KCNC4: variants seen among roughly 807,000 people sequenced by gnomAD.
KCNC4 encodes the protein voltage-gated potassium channel KCNC4.
In KCNC4, 23 loss-of-function variants were observed where a neutral mutation model predicts 42.8. The observed-to-expected ratio is 0.54, with a 90% CI of 0.39 to 0.76. The LOEUF (loss-of-function observed/expected upper bound fraction) is 0.76. KCNC4 is among the 30% of genes least tolerant of loss of function. The pLI, the probability that KCNC4 is intolerant of heterozygous loss-of-function variation, is 0.00. For missense variants in KCNC4, 751 were observed against 898.2 expected (o/e 0.84, Z 2.10); for synonymous variants, 422 against 393.5 (o/e 1.07, Z -0.86).
chr1:110,275,627 G>A (rs3904624), intron 1 of KCNC4, among the ~76,000 whole-genome samples: 36,232 of 152,006 alleles, frequency 0.24, 5,165 homozygotes, highest in Non-Finnish European at 0.32. Context: ...ACTGGATAAA[G>A]AAAATGTGAT....
At chr1:110,245,149 G>A (rs1167979033) in exon 4 of KCNC4, 2 of 152,376 alleles carry the variant, frequency 1.3e-5, no homozygotes, top group East Asian at 1.9e-4. Context: ...GGAGGGGTAG[G>A]TCTGGCGGAG....
At chr1:110,268,181 C>A (rs533728315) in intron 1 of KCNC4, among the ~76,000 whole-genome samples, 1 of 152,272 alleles carries the variant, frequency 6.6e-6, no homozygotes, top group African/African-American at 2.4e-5. Flanking sequence ...ATAGATGCCA[C>A]CTGGTCTTGA....
chr1:110,276,318 A>T (rs1301586016), intron 1 of KCNC4, among the ~76,000 whole-genome samples: 5 of 145,670 alleles, frequency 3.4e-5, no homozygotes, highest in Admixed American at 7.1e-5. Context: ...AAAAAAAAAA[A>T]AAAAGGACCT....
rs533097583 is a variant in KCNC4 at position 110,211,578 on chromosome 1, G to A, written c.79G>A (p.Glu27Lys). The change falls in exon 1 of 4, where the codon GAG becomes AAG. Residue 27 changes from glutamate (E) to lysine (K), a missense_variant. Transcript: ENST00000438661. This position sits in a 1 kb window ranked among gnomAD's most constrained non-coding sequence, Gnocchi z 6.5. ...NKPPSKTCLK[E>K]EMAKGEASEK... Reference sequence around the variant, plus strand: ...GCCTCCGTCCAAAACATGTCTGAAGGAGGAGATGGCCAAGGGCGAGGCGTC... The same window carrying A: ...GCCTCCGTCCAAAACATGTCTGAAGAAGGAGATGGCCAAGGGCGAGGCGTC... 1.2e-6 allele frequency: 2 copies of A among 1,614,100 alleles called. No homozygotes were observed. The highest frequency in any genetic ancestry group is 1.1e-5 in the South Asian group (1 of 91,082).
downstream of KCNC4, among the ~76,000 whole-genome samples, chr1:110,283,712 T>C (rs1659866971): frequency 1.3e-5 from 2 of 152,238 alleles, no homozygotes; most frequent in African/African-American, 2.4e-5. Context: ...CTCTTCATTA[T>C]GCATTTACAA....
chr1:110,212,517 C>T (rs1011921400), intron 1 of KCNC4, among the ~76,000 whole-genome samples: 1 of 152,162 alleles, frequency 6.6e-6, no homozygotes, highest in Admixed American at 6.5e-5. Flanking sequence ...CTTCAGCTGC[C>T]CTCCACTCCA....
Position 110,211,394 on chromosome 1 carries a change from C to T in KCNC4, c.-106C>T. 6.8e-7 allele frequency: 1 copy of T among 1,461,088 alleles called. No homozygotes were observed. The highest frequency in any genetic ancestry group is 1.4e-5 in the African/African-American group (1 of 70,762). 90.5% of individuals were successfully genotyped at this position (1,461,088 alleles called of 1,614,324 possible). ...CCGCAGAGGGGGCCGCCACCGCCTCCTGCCTCCTCTTCGTCTCCTCCCCCT... is the reference window on the plus strand; with the variant it reads ...CCGCAGAGGGGGCCGCCACCGCCTCTTGCCTCCTCTTCGTCTCCTCCCCCT... On this transcript the variant is annotated 5_prime_UTR_variant, in exon 1 of 4. Transcript: ENST00000438661. This position sits in a 1 kb window ranked among gnomAD's most constrained non-coding sequence, Gnocchi z 6.5.
In KCNC4 at chr1:110,211,418, C is replaced by G. The variant is rs1657438103; in HGVS notation, c.-82C>G. The G allele has an allele frequency of 2.7e-6, 4 of 1,495,560 alleles. No homozygotes were observed. Among genetic ancestry groups the G allele is most frequent in the Admixed American group, 4.3e-5 (2 of 45,998 alleles). 92.6% of individuals were successfully genotyped at this position (1,495,560 alleles called of 1,614,324 possible). On this transcript the variant is annotated 5_prime_UTR_variant, in exon 1 of 4. Coordinates refer to ENST00000438661, the MANE Select transcript of KCNC4 (RefSeq NM_001039574.3). This position sits in a 1 kb window ranked among gnomAD's most constrained non-coding sequence, Gnocchi z 6.5. ...CCTGCCTCCTCTTCGTCTCCTCCCCCTCCCCCGTCTGACGCTGCCTCCTCG... is the reference window on the plus strand; with the variant it reads ...CCTGCCTCCTCTTCGTCTCCTCCCCGTCCCCCGTCTGACGCTGCCTCCTCG...
exon 4 of KCNC4, chr1:110,242,451 G>A (rs376351478): frequency 6.6e-6 from 1 of 152,240 alleles, no homozygotes; most frequent in South Asian, 2.1e-4. Context: ...TTCCAGAGGG[G>A]TCTGAGCCAA....
At chr1:110,278,573 C>T (rs1212014708) in intron 1 of KCNC4, among the ~76,000 whole-genome samples, 2 of 152,160 alleles carry the variant, frequency 1.3e-5, no homozygotes, top group Non-Finnish European at 2.9e-5. Context: ...ATAAGAATAT[C>T]TTCCCTTTGG....
At chr1:110,261,926 A>T (rs1330631667) in intron 1 of KCNC4, among the ~76,000 whole-genome samples, 1 of 152,220 alleles carries the variant, frequency 6.6e-6, no homozygotes, top group Non-Finnish European at 1.5e-5. Context: ...TTTAAAGGTG[A>T]TGCTTTATTA....
Position 110,211,321 on chromosome 1 carries a change from A to G in KCNC4, c.-179A>G, listed in dbSNP as rs1252003824. 1.1e-5 allele frequency: 10 copies of G among 910,656 alleles called. No individual in the cohort carries two copies. The highest frequency in any genetic ancestry group is 1.6e-5 in the Non-Finnish European group (10 of 621,538). 56.4% of individuals were successfully genotyped at this position (910,656 alleles called of 1,614,324 possible). On this transcript the variant is annotated 5_prime_UTR_variant, in exon 1 of 4. Transcript: ENST00000438661. The surrounding 1 kb of genome is among the most constrained non-coding windows in gnomAD (Gnocchi z 6.5). ...ACCACCTGTGTACCGGAGAAATCCA[A>G]CTCCTCCCGCTCCGCGTCCTAGGGG...
intron 1 of KCNC4, among the ~76,000 whole-genome samples, chr1:110,215,700 G>A (rs1025888091): frequency 6.6e-6 from 1 of 152,212 alleles, no homozygotes; most frequent in Non-Finnish European, 1.5e-5. Flanking sequence ...GTTACTATGT[G>A]GGAGGCTTGG....
exon 4 of KCNC4, chr1:110,248,632 C>T (rs1046060770): frequency 3.3e-5 from 5 of 152,142 alleles, no homozygotes; most frequent in Non-Finnish European, 5.9e-5. Flanking sequence ...CGTATTGTTT[C>T]CCTTGTCAGT....
At chr1:110,250,924 C>T (rs1438705863), downstream of KCNC4, among the ~76,000 whole-genome samples, 1 of 152,180 alleles carries the variant, frequency 6.6e-6, no homozygotes, top group African/African-American at 2.4e-5. Flanking sequence ...GCCCTGGCCT[C>T]ACCTCCTGGA....
rs7515402 is a variant in KCNC4 at position 110,268,060 on chromosome 1, C to T, written n.31-14474C>T. On this transcript the variant is annotated intron_variant and non_coding_transcript_variant, in intron 1 of 2. Coordinates refer to the KCNC4 transcript ENST00000412512. ...AGGGGTCACAAGATTTATAACTTCC[C>T]CAGCTATTCCTATATAACATCACTA... is the stretch of plus-strand genomic sequence containing the variant. Among the ~76,000 whole-genome samples the T allele has an allele frequency of 2.7e-3, 416 of 152,232 alleles. 1 individual carries two copies. Among genetic ancestry groups the T allele is most frequent in the African/African-American group, 8.4e-3 (348 of 41,486 alleles).
At chr1:110,261,923 G>A (rs1019328211) in intron 1 of KCNC4, among the ~76,000 whole-genome samples, 2 of 152,228 alleles carry the variant, frequency 1.3e-5, no homozygotes, top group Non-Finnish European at 2.9e-5. Flanking sequence ...CATTTTAAAG[G>A]TGATGCTTTA....
chr1:110,283,129 G>A (rs571131348), downstream of KCNC4: 4 of 152,206 alleles, frequency 2.6e-5, no homozygotes, highest in African/African-American at 9.6e-5. Context: ...TTCAAGGAGT[G>A]TCCTGGTTCT....
intron 1 of KCNC4, among the ~76,000 whole-genome samples, chr1:110,266,572 A>G (rs2101081133): frequency 6.6e-6 from 1 of 152,276 alleles, no homozygotes; most frequent in East Asian, 1.9e-4. Flanking sequence ...TACTATTACT[A>G]TTCTCATTTT....
Sources: gnomAD v4.1 joint callset for allele counts (sites outside exome capture counted in the v4.1 genomes callset) on GRCh38, gnomAD v4.1.1 for gene constraint, Gnocchi (gnomAD v3.1) non-coding constraint, MANE v1.5 for transcripts, NCBI Gene and HGNC (gene_info 2026-07-23, HGNC 2026-07-21) for gene names.